ZNF721: variants seen among roughly 807,000 people sequenced by gnomAD.
ZNF721 encodes zinc finger protein 721.
Under a neutral mutation model 2.4 loss-of-function variants are expected in ZNF721, and 2 were observed. The observed-to-expected ratio is 0.82, with a 90% confidence interval of 0.34 to 2.58. The LOEUF (loss-of-function observed/expected upper bound fraction) is 2.58, where lower values mean the gene tolerates loss of function less well. ZNF721 is among the 30% of genes most tolerant of loss of function. The probability of loss-of-function intolerance (pLI) is 0.11; values close to 1 mark genes in which losing one functional copy is unlikely to be tolerated. For missense variants in ZNF721, 1,187 were observed against 1,085.5 expected (o/e 1.09, Z -1.31); for synonymous variants, 398 against 381.8 (o/e 1.04, Z -0.50).
chr4:449,624 A>C (rs1553864611), intron 2 of ZNF721, among the ~76,000 whole-genome samples: 1 of 152,186 alleles, frequency 6.6e-6, no homozygotes, highest in African/African-American at 2.4e-5. Flanking sequence ...CAAAGACAGC[A>C]GAGTGAAGAG....
At chr4:497,424 T>C (rs1309641967) in intron 1 of ZNF721, among the ~76,000 whole-genome samples, 4 of 151,034 alleles carry the variant, frequency 2.6e-5, no homozygotes, top group Non-Finnish European at 5.9e-5. Flanking sequence ...TGCTTATCAA[T>C]GTCAATCGAG....
intron 1 of ZNF721, among the ~76,000 whole-genome samples, chr4:493,507 T>C (rs1159090187): frequency 6.6e-6 from 1 of 152,068 alleles, no homozygotes; most frequent in Non-Finnish European, 1.5e-5. Flanking sequence ...GGCGAAACCC[T>C]TTCTTTACTA....
intron 2 of ZNF721, among the ~76,000 whole-genome samples, chr4:450,442 C>G (rs955868601): frequency 5.3e-5 from 8 of 152,230 alleles, no homozygotes; most frequent in Non-Finnish European, 1.2e-4. Flanking sequence ...ACCACATGAT[C>G]TTACACATAT....
chr4:441,454 ATTTGGCTTCTCATC>A lies in ZNF721; in HGVS notation c.*227_*240del. The A allele has an allele frequency of 2.7e-6, 1 of 365,170 alleles. No homozygotes were observed. The highest frequency in any genetic ancestry group is 4.9e-6 in the Non-Finnish European group (1 of 204,122). The allele number at this position is 365,170 out of a possible 1,614,324, so 22.6% of individuals were successfully genotyped here. ...AGTCTTTGCCACATTTTTAATTTTA[ATTTGGCTTCTCATC>A]AATATAATTACTCTTATGTCTACAA... On this transcript the variant is annotated 3_prime_UTR_variant, in exon 3 of 3. Coordinates refer to ENST00000511833, the MANE Select transcript of ZNF721 (RefSeq NM_133474.4).
rs918934008 is a variant in ZNF721, at chr4:460,572, G to A, written c.34+12003C>T. On this transcript the variant is annotated intron_variant, in intron 2 of 2. Transcript: ENST00000511833. Reference sequence around the variant, plus strand: ...AAATTCAAAAGCTAGCAGAAGACAAGAAATAACTAAGATCAGAGCAGAACT... The same window carrying A: ...AAATTCAAAAGCTAGCAGAAGACAAAAAATAACTAAGATCAGAGCAGAACT... Among the ~76,000 whole-genome samples, 11 of 134,260 alleles carry A rather than the reference G, an allele frequency of 8.2e-5. No individual in the cohort carries two copies. The Admixed American group carries it at 8.9e-4, about 11-fold the overall frequency. The allele number at this position is 134,260 out of a possible 152,430, so 88.1% of individuals were successfully genotyped here.
rs781799119 is a variant in ZNF721 at position 454,398 on chromosome 4, G to GT, written c.35-9967dup. On this transcript the variant is annotated intron_variant, in intron 2 of 2. Coordinates refer to ENST00000511833, the MANE Select transcript of ZNF721 (RefSeq NM_133474.4). ...TTAATGATAGTAGCACTGGACTTATGTTGTTGTCAGAGGAATTTGCTCAGC... is the reference window on the plus strand; with the variant it reads ...TTAATGATAGTAGCACTGGACTTATGTTTGTTGTCAGAGGAATTTGCTCAGC... Among the ~76,000 whole-genome samples the GT allele has an allele frequency of 4.6e-5, 7 of 152,370 alleles. No homozygotes were observed. The South Asian group carries it at 6.2e-4, about 14-fold the overall frequency.
At chr4:467,517 A>C (rs181604907) in intron 2 of ZNF721, among the ~76,000 whole-genome samples, 3 of 152,340 alleles carry the variant, frequency 2.0e-5, no homozygotes, top group Admixed American at 2.0e-4. Context: ...AGACCAAGGA[A>C]GGGTTATTTG....
Position 465,295 on chromosome 4 carries a change from G to A in ZNF721, c.34+7280C>T, listed in dbSNP as rs1308734853. Among the ~76,000 whole-genome samples, 5 of 152,112 alleles carry A rather than the reference G, an allele frequency of 3.3e-5. 1 individual carries two copies. The highest frequency in any genetic ancestry group is 7.4e-5 in the Non-Finnish European group (5 of 68,012). On this transcript the variant is annotated intron_variant, in intron 2 of 2. Transcript: ENST00000511833. ...CCAGCTACTTGGGAGGCTGAGATGG[G>A]AAAATTGTTTGATATTGGAGAGTTG...
In ZNF721 at chr4:443,371, A is replaced by G. The variant is rs1339124285; in HGVS notation, c.1096T>C (p.Cys366Arg). The change falls in exon 3 of 3, where the codon TGT becomes CGT. Residue 366 changes from cysteine (C) to arginine (R), a missense_variant. Physicochemically the swap from Cys to Arg is radical, Grantham distance 180 (BLOSUM62 -3). Transcript: ENST00000511833. The stretch of plus-strand genomic sequence containing the variant: ...GTGTACCGTCCAAAGGCTTTGCCAC[A>G]GTCTTCGCATTTGTAAGGTTTCTCT... ...TGEKPYKCED[C>R]GKAFGRYTAL... 1.9e-6 allele frequency: 3 copies of G among 1,614,044 alleles called. No homozygotes were observed. The highest frequency in any genetic ancestry group is 2.5e-6 in the Non-Finnish European group (3 of 1,179,972).
At chr4:497,164 G>A (rs1169728983) in intron 1 of ZNF721, among the ~76,000 whole-genome samples, 3 of 151,730 alleles carry the variant, frequency 2.0e-5, no homozygotes, top group Non-Finnish European at 2.9e-5. Context: ...GCTATCTGTC[G>A]ATGCAGAAGC....
chr4:484,057 C>T (rs1216909975), intron 1 of ZNF721, among the ~76,000 whole-genome samples: 1 of 152,150 alleles, frequency 6.6e-6, no homozygotes, highest in Non-Finnish European at 1.5e-5. Context: ...AATGGAGGGA[C>T]CAGCTGAAGC....
intron 2 of ZNF721, among the ~76,000 whole-genome samples, chr4:450,108 G>A (rs531229791): frequency 2.2e-4 from 34 of 152,172 alleles, no homozygotes; most frequent in African/African-American, 7.7e-4. Flanking sequence ...TGAAATTGCT[G>A]GATCACATGT....
chr4:448,352 C>T (rs1056491353), intron 2 of ZNF721, among the ~76,000 whole-genome samples: 11 of 151,194 alleles, frequency 7.3e-5, no homozygotes, highest in Middle Eastern at 3.4e-3. Flanking sequence ...AGGAGAATGG[C>T]GTGAATCTGG....
At position 478,593 on chromosome 4, in the gene ZNF721, G is replaced by A. The variant is rs931464440; in HGVS notation, c.-93-5892C>T. ...TTATAAAATAGATTTTCCATTGCAT[G>A]TACATTCCATTTTAAAAATCCATTT... On this transcript the variant is annotated intron_variant, in intron 1 of 2. Transcript: ENST00000511833. Among the ~76,000 whole-genome samples the A allele has an allele frequency of 2.0e-5, 3 of 152,042 alleles. No individual in the cohort carries two copies. The South Asian group carries it at 6.2e-4, about 31-fold the overall frequency.
At chr4:459,306 A>G (rs1429850137) in intron 2 of ZNF721, among the ~76,000 whole-genome samples, 1 of 152,202 alleles carries the variant, frequency 6.6e-6, no homozygotes, top group Non-Finnish European at 1.5e-5. Flanking sequence ...AACAATATTA[A>G]TCTTAAATGT....
intron 1 of ZNF721, among the ~76,000 whole-genome samples, chr4:477,616 T>C (rs1449292123): frequency 3.9e-5 from 6 of 152,070 alleles, no homozygotes; most frequent in Non-Finnish European, 1.5e-5. Context: ...ATTTTTAGTC[T>C]CAACCTATTG....
chr4:494,647 TTCA>T (rs1469174214), intron 1 of ZNF721, among the ~76,000 whole-genome samples: 7 of 152,152 alleles, frequency 4.6e-5, no homozygotes, highest in Admixed American at 2.0e-4. Flanking sequence ...TAGCAAAATT[TTCA>T]TCATAAGGTA....
chr4:474,282 A>G (rs1715565988), intron 1 of ZNF721: 1 of 341,736 alleles, frequency 2.9e-6, no homozygotes, highest in Non-Finnish European at 5.8e-6. Context: ...AGAAATTGTG[A>G]CCATACAATG....
intron 1 of ZNF721, among the ~76,000 whole-genome samples, chr4:494,522 T>G (rs1233043055): frequency 6.6e-6 from 1 of 152,118 alleles, no homozygotes; most frequent in Non-Finnish European, 1.5e-5. Flanking sequence ...GATTCAATTT[T>G]TTTCCTATTT....
Sources: gnomAD v4.1 joint callset for allele counts (sites outside exome capture counted in the v4.1 genomes callset) on GRCh38, gnomAD v4.1.1 for gene constraint, MANE v1.5 for transcripts, NCBI Gene and HGNC (gene_info 2026-07-23, HGNC 2026-07-21) for gene names.